PCM1: variants seen among roughly 807,000 people sequenced by gnomAD.
PCM1 encodes the protein pericentriolar material 1.
A neutral mutation model predicts 241.9 loss-of-function variants in PCM1; 157 were observed. The ratio of observed to expected loss-of-function variants is 0.65; its 90% CI spans 0.57 to 0.74. PCM1 has a LOEUF of 0.74. PCM1 is among the 30% of genes least tolerant of loss of function. The pLI is 0.00. For missense variants in PCM1, 3,478 were observed against 2,360.1 expected (o/e 1.47, Z -9.81); for synonymous variants, 1,085 against 784.9 (o/e 1.38, Z -6.39).
intron 30 of PCM1, among the ~76,000 whole-genome samples, chr8:18,008,456 GCA>G (rs1353992325): frequency 6.6e-6 from 1 of 151,976 alleles, no homozygotes; most frequent in Non-Finnish European, 1.5e-5. Context: ...GTAATAAAGG[GCA>G]CAGTCAGTCA....
rs1263834861 is a variant in PCM1 at position 17,957,321 on chromosome 8, T to C, written c.1704T>C (p.Cys568=). 3 of 1,611,654 alleles carry C rather than the reference T, an allele frequency of 1.9e-6. No homozygotes were observed. In the African/African-American group the frequency reaches 4.0e-5, roughly 21 times the overall value. Residue 568 remains cysteine, a synonymous_variant, in exon 12 of 39, where the codon TGT becomes TGC. Coordinates refer to ENST00000325083, the MANE Select transcript of PCM1 (RefSeq NM_006197.4). ...TAAATAGTCATAGTAATGCACAGTG[T>C]GTTTCTAATAATAGAGATGGGCGAA... ...NEVNSHSNAQ[C]VSNNRDGRTV...
chr8:17,957,163 T>A, intron 11 of PCM1, 101 bp from the exon 12 acceptor site: 1 of 862,330 alleles, frequency 1.2e-6, no homozygotes, highest in Non-Finnish European at 1.7e-6. Context: ...TAGCCAACAA[T>A]GTGCTTGGTT....
At chr8:17,982,286 A>T (rs906584644) in intron 24 of PCM1, among the ~76,000 whole-genome samples, 1 of 152,164 alleles carries the variant, frequency 6.6e-6, no homozygotes, top group Non-Finnish European at 1.5e-5. Context: ...ATCTTCAAAA[A>T]ATAAACAGTC....
intron 36 of PCM1, among the ~76,000 whole-genome samples, chr8:18,024,239 G>A (rs1418634977): frequency 2.0e-5 from 3 of 152,114 alleles, no homozygotes; most frequent in African/African-American, 7.2e-5. Context: ...GAGAGTGCAG[G>A]CCTGTGGTCC....
At chr8:17,958,815 G>A (rs774367395) in intron 13 of PCM1, among the ~76,000 whole-genome samples, 1 of 152,032 alleles carries the variant, frequency 6.6e-6, no homozygotes, top group Non-Finnish European at 1.5e-5. Flanking sequence ...TCCATCTCCC[G>A]GGTTCAAGCG....
intron 5 of PCM1, 59 bp from the exon 6 acceptor site, chr8:17,939,632 C>A: frequency 3.4e-6 from 3 of 880,934 alleles, no homozygotes; most frequent in South Asian, 2.7e-5. Context: ...ACTAATTATC[C>A]TTAGTTTTAT....
At position 17,939,006 on chromosome 8, in the gene PCM1, C is replaced by T. The variant is rs749363333; in HGVS notation, c.609C>T (p.Ser203=). The T allele has an allele frequency of 6.2e-7, 1 of 1,613,312 alleles. No homozygotes were observed. Among genetic ancestry groups the T allele is most frequent in the Non-Finnish European group, 8.5e-7 (1 of 1,179,404 alleles). ...DGRGEPAMES[S]QIVSRLVQIR... ...GGGGAGAACCTGCAATGGAGAGCAGCCAGGTGATAACGTTTGTTTCTTTTG... is the reference window on the plus strand; with the variant it reads ...GGGGAGAACCTGCAATGGAGAGCAGTCAGGTGATAACGTTTGTTTCTTTTG... The change falls in exon 5 of 39, where the codon AGC becomes AGT. Residue 203 remains serine, a synonymous_variant. Transcript: ENST00000325083.
rs757460523 is a variant in PCM1 at position 17,964,573 on chromosome 8, T to A, written c.2660T>A (p.Met887Lys). ...TPQQSRTEKT[M>K]ATWGGSTQCA... ...TTATGTCTCTTAATCACTAGAACGA[T>A]GGCAACTTGGGGAGGGTCTACCCAG... Residue 887 changes from methionine to lysine, a missense_variant, in exon 18 of 39, where the codon ATG becomes AAG. By Grantham distance (95) the Met-to-Lys change is moderately conservative (BLOSUM62 -1). Coordinates refer to ENST00000325083, the MANE Select transcript of PCM1 (RefSeq NM_006197.4). 1 of 1,612,568 alleles carries A rather than the reference T, an allele frequency of 6.2e-7. No homozygotes were observed. The highest frequency in any genetic ancestry group is 1.1e-5 in the South Asian group (1 of 90,946).
chr8:17,991,507 T>C (rs141440349), intron 27 of PCM1, 35 bp from the exon 28 acceptor site: 2 of 1,538,114 alleles, frequency 1.3e-6, no homozygotes, highest in East Asian at 2.3e-5. Flanking sequence ...AGTTCACTTT[T>C]ACATACTCAA....
At chr8:17,923,980 C>G (rs986208469) in intron 1 of PCM1, among the ~76,000 whole-genome samples, 3 of 146,868 alleles carry the variant, frequency 2.0e-5, no homozygotes, top group East Asian at 2.0e-4. Context: ...AGGAACTCGC[C>G]TGGTTTAATT....
rs138030633 is a variant in PCM1 at position 18,026,064 on chromosome 8, T to C, written c.6049+406T>C. 1.4e-3 allele frequency among the ~76,000 whole-genome samples: 197 copies of C among 136,916 alleles called. 1 individual carries two copies. Among genetic ancestry groups the C allele is most frequent in the African/African-American group, 5.1e-3 (190 of 37,130 alleles). The allele number at this position is 136,916 out of a possible 152,430, so 89.8% of individuals were successfully genotyped here. A position where few individuals can be genotyped will look rare whatever the true frequency, so the allele number is the denominator to read the frequency against. Reference sequence around the variant, plus strand: ...CTGTAGTGCCAGCTACTCGGGAGGCTGAGGCAGGAGAATGGCGTGAACCCA... The same window carrying C: ...CTGTAGTGCCAGCTACTCGGGAGGCCGAGGCAGGAGAATGGCGTGAACCCA... On this transcript the variant is annotated intron_variant, in intron 38 of 38. Coordinates refer to ENST00000325083, the MANE Select transcript of PCM1 (RefSeq NM_006197.4).
At chr8:17,926,846 CAGAA>C (rs1258871422) in intron 2 of PCM1, 1 of 152,102 alleles carries the variant, frequency 6.6e-6, no homozygotes, top group African/African-American at 2.4e-5. Context: ...AACTTATGAT[CAGAA>C]AGAGGAACTT....
At chr8:17,947,074 G>T in intron 6 of PCM1, 112 bp from the exon 7 acceptor site, 1 of 604,722 alleles carries the variant, frequency 1.7e-6, no homozygotes, top group Non-Finnish European at 2.9e-6. Flanking sequence ...ACTATATTTA[G>T]GGTTGTATAT....
At chr8:17,928,296 G>A (rs906974966) in intron 2 of PCM1, among the ~76,000 whole-genome samples, 13 of 152,134 alleles carry the variant, frequency 8.5e-5, no homozygotes, top group Non-Finnish European at 1.3e-4. Flanking sequence ...CCCTGAGTCC[G>A]TAGTGCTGCC....
chr8:17,966,830 G>A lies in PCM1; in HGVS notation c.3222-150G>A. The A allele has an allele frequency of 5.7e-6, 4 of 698,050 alleles. No homozygotes were observed. In the South Asian group the frequency reaches 7.7e-5, roughly 14 times the overall value. 43.2% of individuals were successfully genotyped at this position (698,050 alleles called of 1,614,324 possible). A position where few individuals can be genotyped will look rare whatever the true frequency, so the allele number is the denominator to read the frequency against. On this transcript the variant is annotated intron_variant, in intron 20 of 38. Transcript: ENST00000325083. ...TCCAGAGGGAAAGTTATTGAATTAA[G>A]CCTTATAGAGCAAGCACGTATTTGT...
chr8:18,017,730 G>C (rs1286903969), intron 36 of PCM1, among the ~76,000 whole-genome samples: 1 of 152,176 alleles, frequency 6.6e-6, no homozygotes, highest in Non-Finnish European at 1.5e-5. Flanking sequence ...ACACATGCCT[G>C]TAAACCCAGC....
chr8:17,932,750 C>A (rs992889051), intron 2 of PCM1, among the ~76,000 whole-genome samples: 1 of 151,758 alleles, frequency 6.6e-6, no homozygotes, highest in Non-Finnish European at 1.5e-5. Context: ...TTAGTAAGTT[C>A]TCTGTTTTTA....
intron 29 of PCM1, among the ~76,000 whole-genome samples, chr8:17,995,652 G>A (rs753965321): frequency 2.0e-5 from 3 of 149,730 alleles, no homozygotes; most frequent in Admixed American, 6.6e-5. Context: ...AGATTGCTTC[G>A]GGGAGTACAG....
In PCM1 at chr8:18,028,950, G is replaced by A. The variant is rs901603923; in HGVS notation, c.*1288G>A. ...GCAGATCACGAGGTCAAGAGATTGA[G>A]ACCATCCTGCCCAACATGGGGGAAA... On this transcript the variant is annotated 3_prime_UTR_variant, in exon 39 of 39. Transcript: ENST00000325083. The A allele has an allele frequency of 5.6e-6, 1 of 179,350 alleles. No individual in the cohort carries two copies. Among genetic ancestry groups the A allele is most frequent in the Non-Finnish European group, 1.2e-5 (1 of 83,798 alleles). 11.1% of individuals were successfully genotyped at this position (179,350 alleles called of 1,614,324 possible).
Sources: allele counts gnomAD v4.1 joint callset (sites outside exome capture counted in the v4.1 genomes callset), GRCh38; gene constraint gnomAD v4.1.1; transcripts MANE v1.5; gene names NCBI Gene and HGNC (gene_info 2026-07-23, HGNC 2026-07-21).